Variants in ABCC4 observed in about 807,000 individuals in gnomAD.
ABCC4 encodes ATP binding cassette subfamily C member 4 (PEL blood group).
ABCC4 carries 102 observed loss-of-function variants against 168.5 expected under a neutral mutation model. That is an observed-to-expected ratio of 0.61 (90% CI 0.52 to 0.71). The LOEUF (loss-of-function observed/expected upper bound fraction) is 0.71, where lower values mean the gene tolerates loss of function less well. Among genes scored for constraint, ABCC4 ranks in the 30% least tolerant of loss-of-function variants. The pLI, the probability that ABCC4 is intolerant of heterozygous loss-of-function variation, is 0.00. For missense variants in ABCC4, 1,402 were observed against 1,605.8 expected (o/e 0.87, Z 2.17); for synonymous variants, 617 against 590.7 (o/e 1.04, Z -0.65).
chr13:95,151,545 A>AGG (rs2036677283), intron 19 of ABCC4, among the ~76,000 whole-genome samples: 2 of 141,654 alleles, frequency 1.4e-5, no homozygotes, highest in African/African-American at 2.8e-5. Flanking sequence ...ATGAAGAAGG[A>AGG]AGGAGGAGGA....
intron 30 of ABCC4, among the ~76,000 whole-genome samples, chr13:95,022,762 A>T (rs1475421455): frequency 1.3e-5 from 2 of 152,210 alleles, no homozygotes; most frequent in African/African-American, 4.8e-5. Flanking sequence ...CAAAGTTATC[A>T]CTGGAGATAA....
chr13:95,167,074 G>T (rs1457269939), intron 14 of ABCC4, among the ~76,000 whole-genome samples: 1 of 152,050 alleles, frequency 6.6e-6, no homozygotes, highest in African/African-American at 2.4e-5. Flanking sequence ...CTACTCGGGA[G>T]GCTGAGGCAG....
chr13:95,107,384 T>A lies in ABCC4; in HGVS notation c.2535+8538A>T, dbSNP rs369864416. ...TTATGCTGTGTACTGTATATGTTTA[T>A]AGTATTTAAATTTAACTCTTTAGTA... On this transcript the variant is annotated intron_variant, in intron 20 of 30. Coordinates refer to ENST00000645237, the MANE Select transcript of ABCC4 (RefSeq NM_005845.5). 5.3e-5 allele frequency among the ~76,000 whole-genome samples: 8 copies of A among 152,368 alleles called. No homozygotes were observed. In the South Asian group the frequency reaches 8.3e-4, roughly 16 times the overall value.
At chr13:95,064,498 C>A (rs115074116) in intron 25 of ABCC4, among the ~76,000 whole-genome samples, 1 of 99,162 alleles carries the variant, frequency 1.0e-5, no homozygotes, top group Non-Finnish European at 2.2e-5. Flanking sequence ...CACACACACA[C>A]ACGTGTATGT....
At chr13:95,214,158 A>G (rs1191313342) in intron 4 of ABCC4, among the ~76,000 whole-genome samples, 3 of 152,188 alleles carry the variant, frequency 2.0e-5, no homozygotes, top group Non-Finnish European at 4.4e-5. Context: ...AATAAATTAG[A>G]TATCATTAAT....
intron 19 of ABCC4, among the ~76,000 whole-genome samples, chr13:95,130,471 T>C (rs140743430): frequency 2.6e-5 from 4 of 152,308 alleles, no homozygotes; most frequent in South Asian, 4.1e-4. Flanking sequence ...AGCTACACTA[T>C]GATATAAAAT....
At chr13:95,220,143 G>A (rs1187512078) in intron 4 of ABCC4, among the ~76,000 whole-genome samples, 2 of 151,790 alleles carry the variant, frequency 1.3e-5, no homozygotes, top group Non-Finnish European at 2.9e-5. Context: ...TGGGATTATA[G>A]GTGTGAACCA....
chr13:95,295,291 G>C (rs2041500285), intron 1 of ABCC4, among the ~76,000 whole-genome samples: 1 of 152,086 alleles, frequency 6.6e-6, no homozygotes, highest in African/African-American at 2.4e-5. Flanking sequence ...CAAGGCGGGA[G>C]AATCACTTGA....
In ABCC4 at chr13:95,269,434, AATATATAT is replaced by A. The variant is rs752369744; in HGVS notation, c.75-21689_75-21682del. The A allele has an allele frequency of 5.3e-3, 633 of 118,920 alleles. 6 individuals are homozygous for A. Among genetic ancestry groups the A allele is most frequent in the African/African-American group, 0.026 (482 of 18,260 alleles). 7.4% of individuals were successfully genotyped at this position (118,920 alleles called of 1,614,324 possible). On this transcript the variant is annotated intron_variant, in intron 1 of 30. Coordinates refer to ENST00000645237, the MANE Select transcript of ABCC4 (RefSeq NM_005845.5). ...CAGCGAGACTCCATCTCAAAAAAAA[AATATATAT>A]ATATATATATATATATACACACAAC...
intron 19 of ABCC4, among the ~76,000 whole-genome samples, chr13:95,157,943 G>A (rs2036930380): frequency 6.6e-6 from 1 of 151,960 alleles, no homozygotes; most frequent in Non-Finnish European, 1.5e-5. Context: ...GTGGTGGTGG[G>A]TGCCTGTGGT....
intron 19 of ABCC4, among the ~76,000 whole-genome samples, chr13:95,128,020 C>G (rs997337104): frequency 6.6e-6 from 1 of 152,160 alleles, no homozygotes; most frequent in Non-Finnish European, 1.5e-5. Context: ...CAGATTCTGT[C>G]TGAATTTTTG....
At chr13:95,087,587 A>G (rs1378257772) in intron 20 of ABCC4, among the ~76,000 whole-genome samples, 1 of 152,254 alleles carries the variant, frequency 6.6e-6, no homozygotes, top group Non-Finnish European at 1.5e-5. Context: ...AATTATGAAC[A>G]GGGTATACAA....
intron 4 of ABCC4, among the ~76,000 whole-genome samples, chr13:95,225,055 G>A (rs1259089134): frequency 6.6e-6 from 1 of 151,708 alleles, no homozygotes; most frequent in Non-Finnish European, 1.5e-5. Context: ...TGATTAAGGA[G>A]AAAAAGAGAC....
chr13:95,131,551 C>T (rs954909654), intron 19 of ABCC4, among the ~76,000 whole-genome samples: 26 of 152,248 alleles, frequency 1.7e-4, no homozygotes, highest in African/African-American at 5.8e-4. Flanking sequence ...ATTGCCTGAA[C>T]CCCAGAGGCG....
intron 19 of ABCC4, among the ~76,000 whole-genome samples, chr13:95,133,238 C>T (rs1022262654): frequency 8.6e-5 from 13 of 151,100 alleles, no homozygotes; most frequent in South Asian, 6.3e-4. Context: ...CTCGGCCTCC[C>T]GAGTAGCTGG....
chr13:95,259,059 A>C (rs968819669), intron 1 of ABCC4, among the ~76,000 whole-genome samples: 3 of 152,014 alleles, frequency 2.0e-5, no homozygotes, highest in Non-Finnish European at 4.4e-5. Context: ...ACAATGACAG[A>C]TCTCACAGGA....
intron 26 of ABCC4, among the ~76,000 whole-genome samples, chr13:95,061,594 TTGTGTGTG>T (rs57517042): frequency 0.012 from 1,547 of 133,916 alleles, 23 homozygotes; most frequent in East Asian, 0.046. Context: ...GAATATGTGT[TTGTGTGTG>T]TGTGTGTGTG....
chr13:95,125,417 G>A (rs1471406697), intron 19 of ABCC4, among the ~76,000 whole-genome samples: 1 of 152,086 alleles, frequency 6.6e-6, no homozygotes, highest in Non-Finnish European at 1.5e-5. Context: ...TGCTTAGAAG[G>A]GTTTCAGGAA....
intron 25 of ABCC4, among the ~76,000 whole-genome samples, chr13:95,066,745 C>T (rs1594039874): frequency 6.6e-6 from 1 of 152,232 alleles, no homozygotes; most frequent in Non-Finnish European, 1.5e-5. Flanking sequence ...AGTCTGCCTG[C>T]CTCTTGCCCA....
Sources: gnomAD v4.1 joint callset for allele counts (sites outside exome capture counted in the v4.1 genomes callset) on GRCh38, gnomAD v4.1.1 for gene constraint, MANE v1.5 for transcripts, NCBI Gene and HGNC (gene_info 2026-07-23, HGNC 2026-07-21) for gene names.